Variants in PKNOX2 observed in about 807,000 individuals in gnomAD.
The protein encoded by PKNOX2 is PBX/knotted 1 homeobox 2, also known as homeobox protein PKNOX2.
PKNOX2 carries 14 observed loss-of-function variants against 53.1 expected under a neutral mutation model. The ratio of observed to expected loss-of-function variants is 0.26; its 90% confidence interval spans 0.17 to 0.41. The LOEUF (loss-of-function observed/expected upper bound fraction) is 0.41. Among genes scored for constraint, PKNOX2 ranks in the 10% least tolerant of loss-of-function variants. The pLI is 1.00. For missense variants in PKNOX2, 496 were observed against 602.8 expected (o/e 0.82, Z 1.85); for synonymous variants, 257 against 242.8 (o/e 1.06, Z -0.54).
At chr11:125,233,357 A>T (rs1942392463) in intron 1 of PKNOX2, among the ~76,000 whole-genome samples, 2 of 152,242 alleles carry the variant, frequency 1.3e-5, no homozygotes, top group Non-Finnish European at 2.9e-5. Flanking sequence ...TGCCAAGTTC[A>T]TATCATGCTC....
chr11:125,420,783 G>T (rs148696792), intron 10 of PKNOX2, among the ~76,000 whole-genome samples: 121 of 152,278 alleles, frequency 7.9e-4, no homozygotes, highest in African/African-American at 2.6e-3. Flanking sequence ...TGACTGTAGG[G>T]TGACACAGAA....
chr11:125,235,917 C>T (rs1942636932), intron 2 of PKNOX2, among the ~76,000 whole-genome samples: 2 of 152,184 alleles, frequency 1.3e-5, no homozygotes, highest in South Asian at 4.1e-4. Context: ...AGCCTAGTCG[C>T]TCTTTAGTAA....
intron 2 of PKNOX2, among the ~76,000 whole-genome samples, chr11:125,311,720 A>G (rs73621037): frequency 0.043 from 6,568 of 152,244 alleles, 470 homozygotes; most frequent in African/African-American, 0.15. Context: ...GTAGCCTCGA[A>G]CACTCATGTC....
At chr11:125,308,617 A>G (rs1311557667) in intron 2 of PKNOX2, among the ~76,000 whole-genome samples, 1 of 152,188 alleles carries the variant, frequency 6.6e-6, no homozygotes, top group African/African-American at 2.4e-5. Context: ...CCAATCAGAA[A>G]TATCTTCCCC....
intron 2 of PKNOX2, among the ~76,000 whole-genome samples, chr11:125,260,112 A>G (rs1306184294): frequency 1.3e-5 from 2 of 151,982 alleles, no homozygotes; most frequent in Non-Finnish European, 2.9e-5. Context: ...TCCTGGCCTC[A>G]AGTGATCCTC....
chr11:125,282,879 T>C (rs1395925108), intron 2 of PKNOX2, among the ~76,000 whole-genome samples: 2 of 152,226 alleles, frequency 1.3e-5, no homozygotes, highest in Non-Finnish European at 2.9e-5. Context: ...CAGCCGGGCA[T>C]GCTGGCCCAT....
intron 6 of PKNOX2, among the ~76,000 whole-genome samples, chr11:125,386,772 G>GT (rs1335860194): frequency 2.2e-5 from 3 of 138,156 alleles, no homozygotes; most frequent in Non-Finnish European, 4.6e-5. Flanking sequence ...CAGAACCGGT[G>GT]TAACTGGCTT....
chr11:125,325,443 T>C (rs1691695234), intron 2 of PKNOX2, among the ~76,000 whole-genome samples: 5 of 151,966 alleles, frequency 3.3e-5, no homozygotes, highest in Admixed American at 3.3e-4. Context: ...TGGTCCCAGG[T>C]ATTAGGGGAG....
chr11:125,296,041 T>G (rs1337341272), intron 2 of PKNOX2, among the ~76,000 whole-genome samples: 1 of 152,180 alleles, frequency 6.6e-6, no homozygotes, highest in African/African-American at 2.4e-5. Context: ...TCTCACACTC[T>G]CCACCCCTGG....
chr11:125,197,603 C>T (rs932484171), intron 1 of PKNOX2, among the ~76,000 whole-genome samples: 6 of 152,118 alleles, frequency 3.9e-5, no homozygotes, highest in African/African-American at 1.2e-4. Flanking sequence ...CTGGGGACCC[C>T]GTAACAACAC....
intron 5 of PKNOX2, among the ~76,000 whole-genome samples, chr11:125,375,752 G>A (rs1410668595): frequency 1.3e-5 from 2 of 152,148 alleles, no homozygotes; most frequent in Non-Finnish European, 2.9e-5. Context: ...CTTTCTCTAG[G>A]GGGACTGGCT....
chr11:125,338,863 G>C (rs1042647323), intron 3 of PKNOX2, among the ~76,000 whole-genome samples: 1 of 152,196 alleles, frequency 6.6e-6, no homozygotes, highest in African/African-American at 2.4e-5. Context: ...TGAACATCGA[G>C]ACTACAAGGA....
chr11:125,430,498 G>A (rs76992783), intron 12 of PKNOX2, among the ~76,000 whole-genome samples: 2,095 of 152,246 alleles, frequency 0.014, 50 homozygotes, highest in African/African-American at 0.048. Flanking sequence ...CAGCTGGCTC[G>A]TGAACAGGGG....
At chr11:125,185,291 A>C (rs1245602145) in intron 1 of PKNOX2, among the ~76,000 whole-genome samples, 1 of 151,998 alleles carries the variant, frequency 6.6e-6, no homozygotes, top group Non-Finnish European at 1.5e-5. Context: ...GGGCTCTCTG[A>C]GTTCAATTCA....
At chr11:125,326,234 G>A (rs1435017898) in intron 2 of PKNOX2, among the ~76,000 whole-genome samples, 4 of 152,228 alleles carry the variant, frequency 2.6e-5, no homozygotes, top group African/African-American at 2.4e-5. Flanking sequence ...GGGTGAGGAG[G>A]GCAAGAGGCT....
chr11:125,171,572 C>T (rs2135196335), intron 1 of PKNOX2, among the ~76,000 whole-genome samples: 1 of 152,324 alleles, frequency 6.6e-6, no homozygotes, highest in Non-Finnish European at 1.5e-5. Context: ...CTGTTAAGTC[C>T]CTAGCACGGT....
chr11:125,298,789 T>G (rs994408195), intron 2 of PKNOX2, among the ~76,000 whole-genome samples: 12 of 152,158 alleles, frequency 7.9e-5, no homozygotes, highest in African/African-American at 2.9e-4. Context: ...CCTTGACGTA[T>G]TCCCGGGGTC....
intron 2 of PKNOX2, among the ~76,000 whole-genome samples, chr11:125,326,190 T>C (rs1021416526): frequency 2.0e-5 from 3 of 152,158 alleles, no homozygotes; most frequent in African/African-American, 7.2e-5. Flanking sequence ...AAGCAGGGGC[T>C]CACAAAATTG....
intron 2 of PKNOX2, among the ~76,000 whole-genome samples, chr11:125,319,863 G>C (rs1312809251): frequency 6.6e-6 from 1 of 152,154 alleles, no homozygotes; most frequent in Non-Finnish European, 1.5e-5. Context: ...AGGGCACAAA[G>C]GCCTGGGTGG....
Sources: allele counts gnomAD v4.1 joint callset (sites outside exome capture counted in the v4.1 genomes callset), GRCh38; gene constraint gnomAD v4.1.1; transcripts MANE v1.5; gene names NCBI Gene and HGNC (gene_info 2026-07-23, HGNC 2026-07-21).